The following SRPK2 variants were observed in gnomAD, a reference collection of about 807,000 sequenced individuals.
The protein encoded by SRPK2 is SRSF protein kinase 2.
Under a neutral mutation model 90.8 loss-of-function variants are expected in SRPK2, and 21 were observed. The observed-to-expected ratio is 0.23, with a 90% confidence interval of 0.16 to 0.33. The LOEUF (loss-of-function observed/expected upper bound fraction) is 0.33. SRPK2 is among the 10% of genes least tolerant of loss of function. The pLI, the probability that SRPK2 is intolerant of heterozygous loss-of-function variation, is 1.00. For missense variants in SRPK2, 620 were observed against 869.0 expected, an observed-to-expected ratio of 0.71 and a Z score of 3.60; for synonymous variants, 288 against 311.1, an observed-to-expected ratio of 0.93 and a Z score of 0.78.
At chr7:105,120,415 CAG>C (rs1800166950) in intron 15 of SRPK2, among the ~76,000 whole-genome samples, 1 of 152,140 alleles carries the variant, frequency 6.6e-6, no homozygotes. Context: ...TGCATAGTAA[CAG>C]TGAGCAAAAC....
At chr7:105,302,021 C>T (rs1375702680) in intron 2 of SRPK2, 106 of 1,581,036 alleles carry the variant, frequency 6.7e-5, no homozygotes, top group Non-Finnish European at 8.2e-5. Context: ...AGAACTTCCT[C>T]GAGGCTGGAA....
chr7:105,365,721 C>T (rs1337429162), intron 2 of SRPK2, among the ~76,000 whole-genome samples: 2 of 151,618 alleles, frequency 1.3e-5, no homozygotes, highest in East Asian at 3.9e-4. Context: ...ATCATGTGAG[C>T]TTAGTAGGTC....
intron 15 of SRPK2, chr7:105,125,875 C>A (rs1435953402): frequency 7.7e-7 from 1 of 1,301,400 alleles, no homozygotes; most frequent in East Asian, 5.0e-5. Flanking sequence ...GCTATGTGAT[C>A]TGCATTGGGA....
At chr7:105,321,721 T>C (rs1224571371) in intron 2 of SRPK2, among the ~76,000 whole-genome samples, 1 of 151,946 alleles carries the variant, frequency 6.6e-6, no homozygotes, top group Non-Finnish European at 1.5e-5. Flanking sequence ...ATAAGGAGAA[T>C]GCAAATAAAA....
chr7:105,242,458 G>A (rs1010896623), intron 2 of SRPK2, among the ~76,000 whole-genome samples: 2 of 152,104 alleles, frequency 1.3e-5, no homozygotes, highest in Non-Finnish European at 2.9e-5. Context: ...GTTGCAGTGA[G>A]CCAAGATCAC....
At chr7:105,146,913 GAAC>G (rs1327910978) in intron 7 of SRPK2, among the ~76,000 whole-genome samples, 2 of 152,056 alleles carry the variant, frequency 1.3e-5, no homozygotes, top group Non-Finnish European at 2.9e-5. Flanking sequence ...GTTGAACCTT[GAAC>G]AACACAGGTT....
chr7:105,230,537 G>C (rs1370690293), intron 2 of SRPK2, among the ~76,000 whole-genome samples: 1 of 152,034 alleles, frequency 6.6e-6, no homozygotes, highest in African/African-American at 2.4e-5. Flanking sequence ...AAGACAGGAA[G>C]GTAAAAAGAT....
At chr7:105,321,294 C>T (rs1315633345) in intron 2 of SRPK2, among the ~76,000 whole-genome samples, 2 of 152,118 alleles carry the variant, frequency 1.3e-5, no homozygotes, top group Non-Finnish European at 2.9e-5. Flanking sequence ...GGCTGGACCC[C>T]TTCCTCCTCG....
At chr7:105,164,158 C>A (rs781662376) in intron 6 of SRPK2, among the ~76,000 whole-genome samples, 1 of 152,168 alleles carries the variant, frequency 6.6e-6, no homozygotes, top group Non-Finnish European at 1.5e-5. Flanking sequence ...CACTAGTGAA[C>A]TAGTGAAGAG....
At chr7:105,188,739 A>T (rs1793901515) in intron 3 of SRPK2, among the ~76,000 whole-genome samples, 1 of 152,218 alleles carries the variant, frequency 6.6e-6, no homozygotes, top group African/African-American at 2.4e-5. Context: ...AATACAGTCC[A>T]TTTTTAAATT....
intron 2 of SRPK2, among the ~76,000 whole-genome samples, chr7:105,315,487 G>A (rs561564972): frequency 6.6e-6 from 1 of 152,282 alleles, no homozygotes; most frequent in East Asian, 1.9e-4. Flanking sequence ...GGCACAGAGT[G>A]AACACTAATG....
chr7:105,285,444 A>ATGAAACAG (rs1807965544), intron 2 of SRPK2, among the ~76,000 whole-genome samples: 1 of 152,044 alleles, frequency 6.6e-6, no homozygotes, highest in African/African-American at 2.4e-5. Context: ...CATTTTAAGC[A>ATGAAACAG]TGAAACAGTG....
chr7:105,216,885 G>C (rs1400123835), intron 2 of SRPK2, among the ~76,000 whole-genome samples: 1 of 152,124 alleles, frequency 6.6e-6, no homozygotes. Flanking sequence ...CTAGGCTTCT[G>C]ATGCACATTA....
chr7:105,349,071 G>A (rs1427723128), intron 2 of SRPK2, among the ~76,000 whole-genome samples: 1 of 151,528 alleles, frequency 6.6e-6, no homozygotes, highest in Admixed American at 6.6e-5. Context: ...ACTTGAACTC[G>A]GAGGCGGAGG....
intron 7 of SRPK2, among the ~76,000 whole-genome samples, chr7:105,157,264 G>C (rs1806642746): frequency 6.6e-6 from 1 of 152,168 alleles, no homozygotes; most frequent in South Asian, 2.1e-4. Flanking sequence ...AGAGTAAGGA[G>C]AATGACTGGA....
intron 2 of SRPK2, among the ~76,000 whole-genome samples, chr7:105,315,773 C>A (rs1413403202): frequency 6.6e-6 from 1 of 152,138 alleles, no homozygotes; most frequent in Non-Finnish European, 1.5e-5. Context: ...CCCCAACGAA[C>A]AAATATTCAT....
intron 2 of SRPK2, chr7:105,306,523 G>A (rs1238476608): frequency 2.2e-6 from 1 of 453,186 alleles, no homozygotes; most frequent in Non-Finnish European, 4.4e-6. Flanking sequence ...TCTCATGAAG[G>A]AAAGCAGTGA....
At chr7:105,215,925 A>C (rs1370072901) in intron 2 of SRPK2, among the ~76,000 whole-genome samples, 1 of 152,096 alleles carries the variant, frequency 6.6e-6, no homozygotes, top group Non-Finnish European at 1.5e-5. Flanking sequence ...GTGCAGCTGC[A>C]CAAGCTGATT....
intron 2 of SRPK2, among the ~76,000 whole-genome samples, chr7:105,372,523 A>G (rs1374594096): frequency 6.6e-6 from 1 of 152,160 alleles, no homozygotes; most frequent in Non-Finnish European, 1.5e-5. Context: ...GGAGACATAC[A>G]CAACAACCAA....
Sources: allele counts gnomAD v4.1 joint callset (sites outside exome capture counted in the v4.1 genomes callset), GRCh38; gene constraint gnomAD v4.1.1; transcripts MANE v1.5; gene names NCBI Gene and HGNC (gene_info 2026-07-23, HGNC 2026-07-21).